Variants in APBA2 observed in about 807,000 individuals in gnomAD.
APBA2 encodes amyloid-beta A4 precursor protein-binding family A member 2.
Under a neutral mutation model 75.0 loss-of-function variants are expected in APBA2, and 30 were observed. The ratio of observed to expected loss-of-function variants is 0.40; its 90% CI spans 0.30 to 0.54. APBA2 has a LOEUF of 0.54. Ranked by LOEUF, APBA2 falls within the 20% of genes least tolerant of loss-of-function variation. The pLI, the probability that APBA2 is intolerant of heterozygous loss-of-function variation, is 0.49. For synonymous variants in APBA2, 444 were observed against 409.6 expected (o/e 1.08, Z -1.01); for missense variants, 801 against 1,016.1 (o/e 0.79, Z 2.88).
chr15:29,006,940 C>G (rs1310977984), intron 3 of APBA2, among the ~76,000 whole-genome samples: 1 of 152,040 alleles, frequency 6.6e-6, no homozygotes, highest in Non-Finnish European at 1.5e-5. Flanking sequence ...CTCAAGGGAC[C>G]CTGAATAGTA....
chr15:29,106,561 T>C (rs756720638), intron 11 of APBA2, 46 bp from the exon 12 acceptor site: 1 of 1,607,758 alleles, frequency 6.2e-7, no homozygotes, highest in Non-Finnish European at 8.5e-7. Flanking sequence ...GGCAGAGGCC[T>C]CGGTCCTTGC....
intron 3 of APBA2, among the ~76,000 whole-genome samples, chr15:29,051,537 G>A (rs1298154276): frequency 1.3e-5 from 2 of 152,286 alleles, no homozygotes; most frequent in Middle Eastern, 3.4e-3. Flanking sequence ...GGAAGCATGT[G>A]GCTCCATCAG....
In APBA2 at chr15:28,970,763, T is replaced by TA. The variant is rs752743984; in HGVS notation, c.-94-24978dup. On this transcript the variant is annotated intron_variant, in intron 2 of 14. Coordinates refer to ENST00000683413, the MANE Select transcript of APBA2 (RefSeq NM_001353788.2). ...CTCATTTTTTTTTGTCTTGCTGAAT[T>TA]AAAAAAAAAAAATAAAAGCAACAAC... Among the ~76,000 whole-genome samples, 647 of 142,396 alleles carry TA rather than the reference T, an allele frequency of 4.5e-3. 6 individuals carry two copies. The highest frequency in any genetic ancestry group is 6.1e-3 in the Non-Finnish European group (394 of 64,942). The allele number at this position is 142,396 out of a possible 152,430, so 93.4% of individuals were successfully genotyped here. A position where few individuals can be genotyped will look rare whatever the true frequency, so the allele number is the denominator to read the frequency against.
chr15:29,117,446 G>C lies in APBA2; in HGVS notation c.*313G>C. 4.5e-6 allele frequency: 2 copies of C among 449,180 alleles called. No individual in the cohort carries two copies. Among genetic ancestry groups the C allele is most frequent in the Non-Finnish European group, 4.1e-6 (1 of 243,546 alleles). 27.8% of individuals were successfully genotyped at this position (449,180 alleles called of 1,614,324 possible). ...TAGCTGTGCGTGGTGTGGAGTGTGT[G>C]TCTTTCCTCCCTGAAGCTGTGCGGA... is the stretch of plus-strand genomic sequence containing the variant. On this transcript the variant is annotated 3_prime_UTR_variant, in exon 15 of 15. Coordinates refer to ENST00000683413, the MANE Select transcript of APBA2 (RefSeq NM_001353788.2).
intron 1 of APBA2, among the ~76,000 whole-genome samples, chr15:28,908,335 G>C (rs1253152624): frequency 7.6e-6 from 1 of 131,546 alleles, no homozygotes; most frequent in Non-Finnish European, 1.5e-5. Context: ...TTTTGAGACA[G>C]AGTCTTGCTC....
chr15:28,913,165 T>G (rs1189038009), intron 1 of APBA2, among the ~76,000 whole-genome samples: 1 of 152,190 alleles, frequency 6.6e-6, no homozygotes, highest in Non-Finnish European at 1.5e-5. Flanking sequence ...TTGGCTTGGG[T>G]CAGGCTGCTC....
chr15:28,898,002 A>T (rs1044146376), intron 1 of APBA2, among the ~76,000 whole-genome samples: 2 of 152,214 alleles, frequency 1.3e-5, no homozygotes, highest in African/African-American at 4.8e-5. Context: ...AGAGAGGCAG[A>T]GAGAGATGTG....
At chr15:29,084,149 G>C (rs570312879) in intron 6 of APBA2, among the ~76,000 whole-genome samples, 1 of 152,220 alleles carries the variant, frequency 6.6e-6, no homozygotes, top group East Asian at 1.9e-4. Flanking sequence ...TTGCCTTAGT[G>C]AATTCTCTTA....
At chr15:29,113,643 A>G (rs1042172108) in intron 13 of APBA2, among the ~76,000 whole-genome samples, 3 of 152,168 alleles carry the variant, frequency 2.0e-5, no homozygotes, top group African/African-American at 7.2e-5. Context: ...GACAGGTTCC[A>G]CCGTGGGAGT....
rs1450258458 is a variant in APBA2 at position 28,954,279 on chromosome 15, C to T, written c.-95+32530C>T. ...CTTCCCACCCAAGTCTGTGTCTGCT[C>T]AGCAGCTGGTTTATTGCATACAAAC... On this transcript the variant is annotated intron_variant, in intron 2 of 14. Transcript: ENST00000683413. 4.6e-5 allele frequency among the ~76,000 whole-genome samples: 7 copies of T among 152,288 alleles called. No homozygotes were observed. The South Asian group carries it at 8.3e-4, about 18-fold the overall frequency.
At chr15:28,958,573 T>G (rs989303897) in intron 2 of APBA2, among the ~76,000 whole-genome samples, 1 of 152,240 alleles carries the variant, frequency 6.6e-6, no homozygotes, top group African/African-American at 2.4e-5. Flanking sequence ...CAGCTGGTAA[T>G]GGCTTCATTT....
At position 28,904,059 on chromosome 15, in the gene APBA2, A is replaced by G. The variant is rs893549615; in HGVS notation, c.-204-17581A>G. On this transcript the variant is annotated intron_variant, in intron 1 of 14. Transcript: ENST00000683413. ...TGCCTCAACTCAGCAGTTTAGCATT[A>G]CAGCGATTTTTGGCAAGAGAGAACA... Among the ~76,000 whole-genome samples, 5 of 152,250 alleles carry G rather than the reference A, an allele frequency of 3.3e-5. No homozygotes were observed. In the East Asian group the frequency reaches 5.8e-4, roughly 18 times the overall value.
chr15:29,107,460 C>T (rs1254279717), intron 12 of APBA2, among the ~76,000 whole-genome samples: 2 of 152,186 alleles, frequency 1.3e-5, no homozygotes, highest in Admixed American at 6.5e-5. Context: ...CCCTCTGTGG[C>T]ATGTTCCTCC....
chr15:28,949,164 C>T lies in APBA2; in HGVS notation c.-95+27415C>T, dbSNP rs186872076. Among the ~76,000 whole-genome samples the T allele has an allele frequency of 1.1e-4, 17 of 151,142 alleles. No individual in the cohort carries two copies. In the South Asian group the frequency reaches 2.3e-3, roughly 21 times the overall value. On this transcript the variant is annotated intron_variant, in intron 2 of 14. Coordinates refer to ENST00000683413, the MANE Select transcript of APBA2 (RefSeq NM_001353788.2). ...CCGGACAGGTTGTCCGTTCATGTGC[C>T]GTTGTTTGCATTGCTGTGATACAGA...
intron 13 of APBA2, 112 bp from the exon 14 acceptor site, chr15:29,113,764 C>A: frequency 7.3e-7 from 1 of 1,378,068 alleles, no homozygotes; most frequent in Non-Finnish European, 1.0e-6. Flanking sequence ...TGCACGTGCA[C>A]GTATTCATCA....
chr15:29,086,906 T>C (rs2152940789), intron 6 of APBA2, among the ~76,000 whole-genome samples: 1 of 152,356 alleles, frequency 6.6e-6, no homozygotes. Context: ...GTCAGTTTCT[T>C]CCCCTATTTA....
At chr15:28,973,142 C>G (rs1466683996) in intron 2 of APBA2, among the ~76,000 whole-genome samples, 1 of 152,114 alleles carries the variant, frequency 6.6e-6, no homozygotes, top group East Asian at 1.9e-4. Context: ...CTCCTGTGAC[C>G]CTGTGTATTC....
At chr15:28,955,786 GT>G (rs1488824818) in intron 2 of APBA2, among the ~76,000 whole-genome samples, 4 of 152,262 alleles carry the variant, frequency 2.6e-5, no homozygotes, top group Non-Finnish European at 4.4e-5. Flanking sequence ...GCCTTGGTGG[GT>G]TCCCTGAGGG....
intron 3 of APBA2, among the ~76,000 whole-genome samples, chr15:29,038,900 C>T (rs2040880278): frequency 6.6e-6 from 1 of 151,824 alleles, no homozygotes; most frequent in African/African-American, 2.4e-5. Flanking sequence ...TCTCAAACTC[C>T]TGACCTCATG....
Sources: allele counts gnomAD v4.1 joint callset (sites outside exome capture counted in the v4.1 genomes callset), GRCh38; gene constraint gnomAD v4.1.1; transcripts MANE v1.5; gene names NCBI Gene and HGNC (gene_info 2026-07-23, HGNC 2026-07-21).